The following TMEM259 variants were observed in gnomAD, a reference collection of about 807,000 sequenced individuals.
The protein encoded by TMEM259 is transmembrane protein 259, also known as membralin.
In TMEM259, 26 loss-of-function variants were observed where a neutral mutation model predicts 46.7. The observed-to-expected ratio is 0.56, with a 90% CI of 0.41 to 0.77. The LOEUF is 0.77. Among genes scored for constraint, TMEM259 ranks in the 30% least tolerant of loss-of-function variants. The probability of loss-of-function intolerance (pLI) is 0.00; values close to 1 mark genes in which losing one functional copy is unlikely to be tolerated. For synonymous variants in TMEM259, 494 were observed against 395.1 expected (o/e 1.25, Z -2.97); for missense variants, 930 against 900.5 (o/e 1.03, Z -0.42).
At chr19:1,012,885 C>T (rs1420023781) in intron 3 of TMEM259, among the ~76,000 whole-genome samples, 2 of 152,172 alleles carry the variant, frequency 1.3e-5, no homozygotes, top group South Asian at 4.1e-4. Flanking sequence ...TCAGAGGCCC[C>T]GGCCCTCTGG....
chr19:1,014,450 C>T lies in TMEM259; in HGVS notation c.249G>A (p.Leu83=), dbSNP rs745640856. The change falls in exon 2 of 11, where the codon CTG becomes CTA. Residue 83 remains leucine (L), a synonymous_variant. Coordinates refer to ENST00000356663, the MANE Select transcript of TMEM259 (RefSeq NM_001033026.2). ...GGGAGAAGACGATGTGGATGTAGGC[C>T]AGGACGAAGAGCACAAACAGGGCCT... The part of the protein sequence containing the change: ...LLKALFVLFV[L]AYIHIVFSRS... 2 of 1,610,742 alleles carry T rather than the reference C, an allele frequency of 1.2e-6. No individual in the cohort carries two copies. Among genetic ancestry groups the T allele is most frequent in the African/African-American group, 2.7e-5 (2 of 74,882 alleles).
In TMEM259 at chr19:1,020,636, G is replaced by T; in HGVS notation, c.225+136C>A. On this transcript the variant is annotated intron_variant, in intron 1 of 10. Coordinates refer to ENST00000356663, the MANE Select transcript of TMEM259 (RefSeq NM_001033026.2). This position sits in a 1 kb window ranked among gnomAD's most constrained non-coding sequence, Gnocchi z 4.0. ...TCGCGAGGGAGAGCCCTAATCGGTA[G>T]GGCCGGGTATAGGCCTCAGGGTGCA... is the stretch of plus-strand genomic sequence containing the variant. 1.9e-6 allele frequency: 1 copy of T among 537,472 alleles called. No individual in the cohort carries two copies. Among genetic ancestry groups the T allele is most frequent in the East Asian group, 3.5e-5 (1 of 28,454 alleles). The allele number at this position is 537,472 out of a possible 1,614,324, so 33.3% of individuals were successfully genotyped here.
At position 1,012,168 on chromosome 19, in the gene TMEM259, A is replaced by C; in HGVS notation, c.739T>G (p.Phe247Val). 6.2e-7 allele frequency: 1 copy of C among 1,605,678 alleles called. No homozygotes were observed. Among genetic ancestry groups the C allele is most frequent in the South Asian group, 1.1e-5 (1 of 89,932 alleles). ...VTLDPTRDQCFGDRFSRLLLD... is the reference protein window; with the variant it reads ...VTLDPTRDQCVGDRFSRLLLD... Reference sequence around the variant, plus strand: ...AGCAGGCGGCTGAAGCGGTCCCCGAAGCACTGGTCCCGCGTGGGGTCTGCG... The same window carrying C: ...AGCAGGCGGCTGAAGCGGTCCCCGACGCACTGGTCCCGCGTGGGGTCTGCG... Residue 247 changes from phenylalanine (F) to valine (V), a missense_variant, in exon 5 of 11, where the codon TTC becomes GTC. Physicochemically the swap from Phe to Val is conservative, Grantham distance 50. Transcript: ENST00000356663.
chr19:1,009,698 C>T lies in TMEM259; in HGVS notation c.*652G>A, dbSNP rs1266665468. ...TTCTATATACAAACACAATTTTGTACACTGCAATTAAATAGAATGGAATGA... is the reference window on the plus strand; with the variant it reads ...TTCTATATACAAACACAATTTTGTATACTGCAATTAAATAGAATGGAATGA... On this transcript the variant is annotated 3_prime_UTR_variant, in exon 11 of 11. Coordinates refer to ENST00000356663, the MANE Select transcript of TMEM259 (RefSeq NM_001033026.2). 9.7e-7 allele frequency: 1 copy of T among 1,032,248 alleles called. No homozygotes were observed. The highest frequency in any genetic ancestry group is 1.7e-5 in the African/African-American group (1 of 59,076). 63.9% of individuals were successfully genotyped at this position (1,032,248 alleles called of 1,614,324 possible).
chr19:1,012,529 C>T lies in TMEM259; in HGVS notation c.652G>A (p.Gly218Ser). The T allele has an allele frequency of 6.2e-7, 1 of 1,601,322 alleles. No individual in the cohort carries two copies. The change falls in exon 4 of 11, where the codon GGC (glycine) becomes AGC (serine). Residue 218 changes from glycine to serine, a missense_variant. Coordinates refer to ENST00000356663, the MANE Select transcript of TMEM259 (RefSeq NM_001033026.2). The stretch of plus-strand genomic sequence containing the variant: ...GTGGCCTGCGACAGGCGAAGGAAGC[C>T]ATACTCTAGTGAGTACTCCACGATG... ...EYIVEYSLEY[G>S]FLRLSQATRQ...
At position 1,020,266 on chromosome 19, in the gene TMEM259, G is replaced by C. The variant is rs1037902798; in HGVS notation, c.225+506C>G. Reference sequence around the variant, plus strand: ...AGGGGAGTGGGGAGTCGACTTCCAGGACAGGGGTTGGTCCGAGGGAGACCT... The same window carrying C: ...AGGGGAGTGGGGAGTCGACTTCCAGCACAGGGGTTGGTCCGAGGGAGACCT... On this transcript the variant is annotated intron_variant, in intron 1 of 10. Coordinates refer to ENST00000356663, the MANE Select transcript of TMEM259 (RefSeq NM_001033026.2). This position sits in a 1 kb window ranked among gnomAD's most constrained non-coding sequence, Gnocchi z 4.0. Among the ~76,000 whole-genome samples, 1 of 152,020 alleles carries C rather than the reference G, an allele frequency of 6.6e-6. No individual in the cohort carries two copies. Among genetic ancestry groups the C allele is most frequent in the East Asian group, 1.9e-4 (1 of 5,184 alleles).
chr19:1,014,895 G>T (rs1327757588), intron 1 of TMEM259, among the ~76,000 whole-genome samples: 1 of 152,144 alleles, frequency 6.6e-6, no homozygotes, highest in Non-Finnish European at 1.5e-5. Context: ...CCACCAAGTG[G>T]AGCACACCAG....
rs1252889171 is a variant in TMEM259 at position 1,020,325 on chromosome 19, A to G, written c.225+447T>C. ...CTGGGTTCTGGGCCAGCACATTGGG[A>G]GGGGAGAGAGGCCTCGGAACTGAGG... On this transcript the variant is annotated intron_variant, in intron 1 of 10. Transcript: ENST00000356663. This position sits in a 1 kb window ranked among gnomAD's most constrained non-coding sequence, Gnocchi z 4.0. Among the ~76,000 whole-genome samples the G allele has an allele frequency of 6.6e-6, 1 of 151,670 alleles. No homozygotes were observed. The highest frequency in any genetic ancestry group is 1.5e-5 in the Non-Finnish European group (1 of 67,902).
chr19:1,015,885 C>G (rs562288921), intron 1 of TMEM259, among the ~76,000 whole-genome samples: 1 of 152,276 alleles, frequency 6.6e-6, no homozygotes, highest in African/African-American at 2.4e-5. Context: ...AGCAAAGGGC[C>G]GAGTCAGCAA....
intron 1 of TMEM259, among the ~76,000 whole-genome samples, chr19:1,015,698 A>G (rs892483520): frequency 2.8e-5 from 4 of 141,564 alleles, no homozygotes; most frequent in Admixed American, 7.0e-5. Flanking sequence ...ATCACAAGCC[A>G]GAGAGCCTGG....
rs774256877 is a variant in TMEM259 at position 1,020,760 on chromosome 19, G to C, written c.225+12C>G. 2.3e-6 allele frequency: 3 copies of C among 1,315,546 alleles called. No individual in the cohort carries two copies. The highest frequency in any genetic ancestry group is 2.9e-6 in the Non-Finnish European group (3 of 1,025,404). The allele number at this position is 1,315,546 out of a possible 1,614,324, so 81.5% of individuals were successfully genotyped here. A position where few individuals can be genotyped will look rare whatever the true frequency, so the allele number is the denominator to read the frequency against. On this transcript the variant is annotated intron_variant, in intron 1 of 10. Coordinates refer to ENST00000356663, the MANE Select transcript of TMEM259 (RefSeq NM_001033026.2). This position sits in a 1 kb window ranked among gnomAD's most constrained non-coding sequence, Gnocchi z 4.0. Reference sequence around the variant, plus strand: ...GCTGGGGTCAAGGGTCGGGGGTCGGGGCCGCGGTCACCTTGAGCAGCACGA... The same window carrying C: ...GCTGGGGTCAAGGGTCGGGGGTCGGCGCCGCGGTCACCTTGAGCAGCACGA...
Position 1,011,921 on chromosome 19 carries a change from G to C in TMEM259, c.913C>G (p.Leu305Val). The C allele has an allele frequency of 6.2e-7, 1 of 1,611,026 alleles. No homozygotes were observed. The change falls in exon 6 of 11, where the codon CTG (leucine) becomes GTG (valine). Residue 305 changes from leucine (L) to valine (V), a missense_variant. By Grantham distance (32) the Leu-to-Val change is conservative. Transcript: ENST00000356663. ...VSMWMARTSY[L>V]AAFAIMVIFT... ...ATGACCATGATGGCGAAGGCGGCCA[G>C]GTAGGACGTCCGCGCCATCCACATG... is the stretch of plus-strand genomic sequence containing the variant.
chr19:1,017,248 C>T (rs538805799), intron 1 of TMEM259: 35 of 400,170 alleles, frequency 8.7e-5, no homozygotes, highest in Middle Eastern at 6.2e-4. Flanking sequence ...GCCTCGTCCA[C>T]GCCCACAGTA....
In TMEM259 at chr19:1,011,806, G is replaced by C; in HGVS notation, c.943-8C>G. 1 of 1,583,238 alleles carries C rather than the reference G, an allele frequency of 6.3e-7. No homozygotes were observed. The highest frequency in any genetic ancestry group is 8.6e-7 in the Non-Finnish European group (1 of 1,164,070). ...CATGGACACGCTCAGCGTCTGCAAGGGGCGCGCAGGAAGCGCTATGAGGGG... is the reference window on the plus strand; with the variant it reads ...CATGGACACGCTCAGCGTCTGCAAGCGGCGCGCAGGAAGCGCTATGAGGGG... On this transcript the variant is annotated splice_polypyrimidine_tract_variant and splice_region_variant and intron_variant, in intron 6 of 10. Coordinates refer to ENST00000356663, the MANE Select transcript of TMEM259 (RefSeq NM_001033026.2).
At chr19:1,012,926 T>TGGGGGCGGGGGC (rs368521894) in intron 3 of TMEM259, among the ~76,000 whole-genome samples, 1 of 151,282 alleles carries the variant, frequency 6.6e-6, no homozygotes, top group Admixed American at 6.6e-5. Context: ...TGGGCAGGGG[T>TGGGGGCGGGGGC]GGGGGCGGGG....
intron 1 of TMEM259, among the ~76,000 whole-genome samples, chr19:1,015,283 A>T (rs1380914512): frequency 6.6e-6 from 1 of 152,164 alleles, no homozygotes; most frequent in Admixed American, 6.5e-5. Flanking sequence ...TGCCCAGGGG[A>T]TGCTTGGGAC....
At chr19:1,012,385 C>G in intron 4 of TMEM259, 78 bp downstream of exon 4, 4 of 1,520,668 alleles carry the variant, frequency 2.6e-6, no homozygotes, top group South Asian at 1.2e-5. Flanking sequence ...CCCCCCGTCC[C>G]GCACCAGCAG....
chr19:1,013,398 G>C (rs1167728094), intron 2 of TMEM259, 58 bp from the exon 3 acceptor site: 7 of 1,543,174 alleles, frequency 4.5e-6, no homozygotes, highest in Non-Finnish European at 6.3e-6. Context: ...TGAGGGCCCA[G>C]CCTGAGGATA....
chr19:1,015,271 C>A (rs1202346924), intron 1 of TMEM259, among the ~76,000 whole-genome samples: 3 of 152,226 alleles, frequency 2.0e-5, no homozygotes, highest in African/African-American at 7.2e-5. Context: ...CCTGGGGGCT[C>A]CTGCCCAGGG....
Sources: allele counts gnomAD v4.1 joint callset (sites outside exome capture counted in the v4.1 genomes callset), GRCh38; gene constraint gnomAD v4.1.1; non-coding constraint Gnocchi (gnomAD v3.1); transcripts MANE v1.5; gene names NCBI Gene and HGNC (gene_info 2026-07-23, HGNC 2026-07-21).